GRXCR1: variants seen among roughly 807,000 people sequenced by gnomAD.
GRXCR1 encodes glutaredoxin domain-containing cysteine-rich protein 1.
GRXCR1 carries 27 observed loss-of-function variants against 27.3 expected under a neutral mutation model. That is an observed-to-expected ratio of 0.99 (90% CI 0.73 to 1.37). GRXCR1 has a LOEUF of 1.37. Ranked by LOEUF, GRXCR1 falls within the 40% of genes most tolerant of loss-of-function variation. GRXCR1 has a pLI of 0.00. For synonymous variants in GRXCR1, 122 were observed against 131.1 expected (o/e 0.93, Z 0.47); for missense variants, 379 against 354.4 (o/e 1.07, Z -0.56).
intron 1 of GRXCR1, among the ~76,000 whole-genome samples, chr4:42,962,659 A>C (rs187431359): frequency 1.8e-4 from 27 of 152,112 alleles, no homozygotes; most frequent in African/African-American, 6.5e-4. Context: ...ATTAGCTATT[A>C]CTTGATATGC....
intron 2 of GRXCR1, among the ~76,000 whole-genome samples, chr4:43,008,616 G>A (rs10938228): frequency 0.23 from 35,691 of 152,016 alleles, 4,474 homozygotes; most frequent in Admixed American, 0.29. Context: ...TTTTATATTG[G>A]ACTGTGGTTT....
chr4:42,976,302 G>A (rs1353356326), intron 2 of GRXCR1, among the ~76,000 whole-genome samples: 1 of 151,940 alleles, frequency 6.6e-6, no homozygotes, highest in Admixed American at 6.6e-5. Context: ...ACCTATATGT[G>A]TAGCCATTTA....
chr4:43,021,246 G>A (rs1713083912), intron 3 of GRXCR1, among the ~76,000 whole-genome samples: 1 of 152,030 alleles, frequency 6.6e-6, no homozygotes, highest in South Asian at 2.1e-4. Flanking sequence ...CTTTGTGCAA[G>A]TTGTTCTGTC....
At chr4:43,008,672 A>C (rs1712642627) in intron 2 of GRXCR1, among the ~76,000 whole-genome samples, 1 of 152,196 alleles carries the variant, frequency 6.6e-6, no homozygotes, top group Non-Finnish European at 1.5e-5. Context: ...CCTAAGAGGT[A>C]GATATAATTT....
At chr4:42,993,091 C>A (rs1051260473) in intron 2 of GRXCR1, among the ~76,000 whole-genome samples, 21 of 152,094 alleles carry the variant, frequency 1.4e-4, no homozygotes, top group African/African-American at 5.1e-4. Context: ...TCCCCTCGTT[C>A]TCCCTCTGTT....
chr4:42,907,538 A>G (rs1746624823), intron 1 of GRXCR1, among the ~76,000 whole-genome samples: 1 of 152,118 alleles, frequency 6.6e-6, no homozygotes, highest in Admixed American at 6.6e-5. Flanking sequence ...CTGAGCTCTG[A>G]GCATTATGTC....
At chr4:42,956,541 C>CCT (rs1199313710) in intron 1 of GRXCR1, among the ~76,000 whole-genome samples, 2 of 151,922 alleles carry the variant, frequency 1.3e-5, no homozygotes, top group Non-Finnish European at 2.9e-5. Flanking sequence ...TATCACTCTA[C>CCT]CTCTAGAAAG....
chr4:42,901,276 C>G (rs1577897755), intron 1 of GRXCR1, among the ~76,000 whole-genome samples: 1 of 152,264 alleles, frequency 6.6e-6, no homozygotes, highest in Non-Finnish European at 1.5e-5. Context: ...AAACTTAGAG[C>G]CTTAAATCAG....
intron 1 of GRXCR1, among the ~76,000 whole-genome samples, chr4:42,920,847 GT>G (rs1240302843): frequency 1.3e-5 from 2 of 151,758 alleles, no homozygotes; most frequent in Non-Finnish European, 2.9e-5. Flanking sequence ...CTTCCCTCTG[GT>G]TTTTTTGATT....
At chr4:42,989,480 A>T (rs995711842) in intron 2 of GRXCR1, among the ~76,000 whole-genome samples, 1 of 152,212 alleles carries the variant, frequency 6.6e-6, no homozygotes, top group African/African-American at 2.4e-5. Context: ...TTTAAATTTA[A>T]TTTATTTTAA....
At chr4:42,937,003 A>T (rs1747475977) in intron 1 of GRXCR1, among the ~76,000 whole-genome samples, 1 of 151,864 alleles carries the variant, frequency 6.6e-6, no homozygotes, top group Admixed American at 6.6e-5. Context: ...GAAAGAAGTC[A>T]TTCAGCTCAC....
intron 1 of GRXCR1, among the ~76,000 whole-genome samples, chr4:42,942,613 G>A (rs908998242): frequency 2.0e-5 from 3 of 152,086 alleles, no homozygotes; most frequent in Admixed American, 6.6e-5. Flanking sequence ...AATCTGCAGT[G>A]TGTCTAATAA....
chr4:42,912,304 T>C (rs975404578), intron 1 of GRXCR1, among the ~76,000 whole-genome samples: 4 of 152,198 alleles, frequency 2.6e-5, no homozygotes, highest in Non-Finnish European at 4.4e-5. Context: ...TTTGTTTCCA[T>C]AGAATTACAA....
intron 1 of GRXCR1, among the ~76,000 whole-genome samples, chr4:42,955,297 C>T (rs1747973613): frequency 6.6e-6 from 1 of 152,038 alleles, no homozygotes; most frequent in African/African-American, 2.4e-5. Flanking sequence ...CAACATGCCC[C>T]GTGTGATGTA....
At chr4:43,002,644 CTCTT>C (rs1577940281) in intron 2 of GRXCR1, among the ~76,000 whole-genome samples, 1 of 152,184 alleles carries the variant, frequency 6.6e-6, no homozygotes, top group East Asian at 1.9e-4. Context: ...AGTCTGATCT[CTCTT>C]TCTTTTCCCT....
intron 1 of GRXCR1, among the ~76,000 whole-genome samples, chr4:42,947,154 G>T (rs571953084): frequency 5.9e-5 from 9 of 152,190 alleles, no homozygotes; most frequent in Admixed American, 5.2e-4. Flanking sequence ...TACATTTGGG[G>T]GCTTCAACAG....
intron 1 of GRXCR1, among the ~76,000 whole-genome samples, chr4:42,904,259 A>G (rs1187046287): frequency 6.6e-6 from 1 of 152,164 alleles, no homozygotes; most frequent in African/African-American, 2.4e-5. Context: ...TAAGATGCCC[A>G]ACTTTCGCTC....
intron 1 of GRXCR1, among the ~76,000 whole-genome samples, chr4:42,942,369 C>G (rs1018135404): frequency 2.0e-4 from 30 of 151,958 alleles, no homozygotes; most frequent in Non-Finnish European, 2.1e-4. Context: ...AAATAAGGCA[C>G]AGTAGTTACC....
At chr4:42,972,787 G>C in intron 2 of GRXCR1, among the ~76,000 whole-genome samples, 1 of 152,070 alleles carries the variant, frequency 6.6e-6, no homozygotes. Context: ...GGTGTGTCTG[G>C]CTATTGCTTG....
Sources: gnomAD v4.1 joint callset for allele counts (sites outside exome capture counted in the v4.1 genomes callset) on GRCh38, gnomAD v4.1.1 for gene constraint, MANE v1.5 for transcripts, NCBI Gene and HGNC (gene_info 2026-07-23, HGNC 2026-07-21) for gene names.